Variants in GRIK2 observed in about 807,000 individuals in gnomAD.
The protein encoded by GRIK2 is glutamate ionotropic receptor kainate type subunit 2, also known as glutamate receptor ionotropic, kainate 2.
A neutral mutation model predicts 100.3 loss-of-function variants in GRIK2; 32 were observed. That is an observed-to-expected ratio of 0.32 (90% CI 0.24 to 0.43). The LOEUF is 0.43. Ranked by LOEUF, GRIK2 falls within the 20% of genes least tolerant of loss-of-function variation. The probability of loss-of-function intolerance (pLI) is 1.00; values close to 1 mark genes in which losing one functional copy is unlikely to be tolerated. For synonymous variants in GRIK2, 417 were observed against 389.4 expected (o/e 1.07, Z -0.83); for missense variants, 843 against 1,114.9 (o/e 0.76, Z 3.47).
chr6:101,888,843 T>C lies in GRIK2; in HGVS notation c.1525-797T>C, dbSNP rs566641487. Among the ~76,000 whole-genome samples, 66 of 152,310 alleles carry C rather than the reference T, an allele frequency of 4.3e-4. No individual in the cohort carries two copies. In the Middle Eastern group the frequency reaches 0.014, roughly 31 times the overall value. On this transcript the variant is annotated intron_variant, in intron 11 of 16. Transcript: ENST00000369134. The stretch of plus-strand genomic sequence containing the variant: ...TAGCAATATAGCTTCTCATCACAGA[T>C]GCTTTCATTATTTTAAAATATTGTA...
At chr6:101,856,190 A>G (rs1784417657) in intron 10 of GRIK2, among the ~76,000 whole-genome samples, 1 of 152,182 alleles carries the variant, frequency 6.6e-6, no homozygotes, top group African/African-American at 2.4e-5. Context: ...CTTCAGTAAG[A>G]TCCCTTGTGT....
chr6:101,825,094 T>A (rs1782230530), intron 10 of GRIK2, among the ~76,000 whole-genome samples: 1 of 152,194 alleles, frequency 6.6e-6, no homozygotes, highest in Admixed American at 6.5e-5. Context: ...GCATTTGGGC[T>A]TGGAAACCCA....
intron 4 of GRIK2, among the ~76,000 whole-genome samples, chr6:101,642,322 G>A (rs1781311231): frequency 6.6e-6 from 1 of 151,630 alleles, no homozygotes; most frequent in African/African-American, 2.4e-5. Flanking sequence ...TATTCACATT[G>A]TAGTGCAACC....
chr6:101,844,611 C>T (rs1203446257), intron 10 of GRIK2, among the ~76,000 whole-genome samples: 1 of 152,164 alleles, frequency 6.6e-6, no homozygotes, highest in Non-Finnish European at 1.5e-5. Flanking sequence ...CAGATTTTAA[C>T]ATAGCATACA....
Position 101,608,397 on chromosome 6 carries a change from A to G in GRIK2, c.116-13552A>G, listed in dbSNP as rs1018803382. 2.6e-5 allele frequency among the ~76,000 whole-genome samples: 4 copies of G among 151,938 alleles called. 1 individual carries two copies. In the Admixed American group the frequency reaches 2.6e-4, roughly 10 times the overall value. ...ATTTAGATTGTTTCAATTGTATTTC[A>G]TAATTAAAAATAGTTCTTCTATGAA... On this transcript the variant is annotated intron_variant, in intron 2 of 16. Transcript: ENST00000369134.
At chr6:101,770,788 T>C (rs147746276) in intron 7 of GRIK2, among the ~76,000 whole-genome samples, 174 of 152,260 alleles carry the variant, frequency 1.1e-3, no homozygotes, top group African/African-American at 4.0e-3. Context: ...AAGGGTAGTG[T>C]TGATTCAAAC....
At position 102,060,140 on chromosome 6, in the gene GRIK2, A is replaced by G. The variant is rs181419536; in HGVS notation, c.2562+4560A>G. On this transcript the variant is annotated intron_variant, in intron 16 of 16. Coordinates refer to ENST00000369134, the MANE Select transcript of GRIK2 (RefSeq NM_021956.5). ...TATGTGGTATTGTTGTTTTTTTAGG[A>G]CATAGTCTACTTTGGTCAATGTAGC... Among the ~76,000 whole-genome samples, 3 of 150,870 alleles carry G rather than the reference A, an allele frequency of 2.0e-5. No individual in the cohort carries two copies. The East Asian group carries it at 5.8e-4, about 29-fold the overall frequency.
intron 10 of GRIK2, among the ~76,000 whole-genome samples, chr6:101,839,747 A>G (rs577838157): frequency 3.3e-5 from 5 of 152,252 alleles, no homozygotes; most frequent in South Asian, 4.2e-4. Flanking sequence ...TATATGGGGG[A>G]AAAATGAAGA....
intron 7 of GRIK2, among the ~76,000 whole-genome samples, chr6:101,733,708 CTTTTTTTTTT>C (rs34438783): frequency 1.4e-4 from 12 of 83,938 alleles, no homozygotes; most frequent in East Asian, 7.3e-4. Flanking sequence ...ATTCCTCTTT[CTTTTTTTTTT>C]TTTTTTTTTT....
chr6:101,801,816 A>G (rs1213156408), intron 8 of GRIK2, among the ~76,000 whole-genome samples: 1 of 151,842 alleles, frequency 6.6e-6, no homozygotes, highest in Non-Finnish European at 1.5e-5. Flanking sequence ...ATTATAATAC[A>G]TTTCCCTTGC....
At chr6:102,052,683 G>A (rs1771260133) in intron 15 of GRIK2, among the ~76,000 whole-genome samples, 1 of 152,138 alleles carries the variant, frequency 6.6e-6, no homozygotes, top group South Asian at 2.1e-4. Context: ...AATGAGAAAT[G>A]AGCTCTCACA....
At chr6:101,866,115 G>A (rs1263417194) in intron 11 of GRIK2, among the ~76,000 whole-genome samples, 2 of 152,036 alleles carry the variant, frequency 1.3e-5, no homozygotes, top group Non-Finnish European at 1.5e-5. Context: ...CTCTTTTAAT[G>A]TAAAAGTTAT....
chr6:101,615,539 T>G (rs980304839), intron 2 of GRIK2, among the ~76,000 whole-genome samples: 2 of 151,936 alleles, frequency 1.3e-5, no homozygotes, highest in African/African-American at 4.8e-5. Flanking sequence ...TATGAGTCCT[T>G]TATTATTCTG....
chr6:101,998,611 A>C lies in GRIK2; in HGVS notation c.2086-36730A>C, dbSNP rs544919930. Among the ~76,000 whole-genome samples the C allele has an allele frequency of 2.0e-5, 3 of 152,116 alleles. No homozygotes were observed. The South Asian group carries it at 6.2e-4, about 32-fold the overall frequency. ...TAGAAGTTTTATAGGGTTAGGCTTA[A>C]AAATGGTTCTAAGATTCATTTTGAG... On this transcript the variant is annotated intron_variant, in intron 14 of 16. Transcript: ENST00000369134.
intron 7 of GRIK2, among the ~76,000 whole-genome samples, chr6:101,780,431 A>T (rs1290301455): frequency 6.6e-6 from 1 of 152,186 alleles, no homozygotes; most frequent in Admixed American, 6.6e-5. Context: ...TAACCTTCCT[A>T]TCTTCAGTTT....
chr6:101,452,469 A>G (rs1420253641), intron 2 of GRIK2, among the ~76,000 whole-genome samples: 1 of 151,620 alleles, frequency 6.6e-6, no homozygotes, highest in Admixed American at 6.6e-5. Context: ...TCATTTTTTA[A>G]AAAGTTCTCC....
At chr6:101,469,784 G>T (rs550035776) in intron 2 of GRIK2, among the ~76,000 whole-genome samples, 2 of 152,042 alleles carry the variant, frequency 1.3e-5, no homozygotes, top group East Asian at 1.9e-4. Flanking sequence ...TCCCTGAATT[G>T]CAGGCCTGAG....
intron 10 of GRIK2, among the ~76,000 whole-genome samples, chr6:101,848,974 T>C (rs765796398): frequency 6.6e-6 from 1 of 152,052 alleles, no homozygotes; most frequent in African/African-American, 2.4e-5. Flanking sequence ...AGAATACCTT[T>C]TACCCATAAT....
chr6:101,931,075 G>C (rs1024604982), intron 14 of GRIK2, among the ~76,000 whole-genome samples: 2 of 152,046 alleles, frequency 1.3e-5, no homozygotes, highest in Non-Finnish European at 2.9e-5. Flanking sequence ...GAACTCACAA[G>C]ACTACATTAA....
Sources: gnomAD v4.1 joint callset for allele counts (sites outside exome capture counted in the v4.1 genomes callset) on GRCh38, gnomAD v4.1.1 for gene constraint, MANE v1.5 for transcripts, NCBI Gene and HGNC (gene_info 2026-07-23, HGNC 2026-07-21) for gene names.